SERGEF: variants seen among roughly 807,000 people sequenced by gnomAD.
SERGEF encodes secretion-regulating guanine nucleotide exchange factor.
SERGEF carries 51 observed loss-of-function variants against 50.0 expected under a neutral mutation model. That is an observed-to-expected ratio of 1.02 (90% CI 0.81 to 1.29). The LOEUF (loss-of-function observed/expected upper bound fraction) is 1.29, where lower values mean the gene tolerates loss of function less well. SERGEF is among the 50% of genes most tolerant of loss of function. SERGEF has a pLI of 0.00. For synonymous variants in SERGEF, 205 were observed against 212.4 expected (o/e 0.97, Z 0.30); for missense variants, 521 against 557.0 (o/e 0.94, Z 0.65).
chr11:17,929,524 T>C (rs1852313741), intron 9 of SERGEF, among the ~76,000 whole-genome samples: 1 of 152,156 alleles, frequency 6.6e-6, no homozygotes, highest in Non-Finnish European at 1.5e-5. Flanking sequence ...CAAGGTAACT[T>C]ATTATGTTTT....
At chr11:17,985,851 C>A (rs1196169641) in intron 8 of SERGEF, among the ~76,000 whole-genome samples, 12 of 152,182 alleles carry the variant, frequency 7.9e-5, no homozygotes, top group Admixed American at 7.2e-4. Flanking sequence ...CAGTATTGAG[C>A]AGTGTTTCTC....
chr11:17,967,158 C>T (rs147343044), intron 8 of SERGEF, among the ~76,000 whole-genome samples: 1 of 152,270 alleles, frequency 6.6e-6, no homozygotes, highest in African/African-American at 2.4e-5. Flanking sequence ...AAAATATTAA[C>T]GCATAGAGAG....
intron 10 of SERGEF, among the ~76,000 whole-genome samples, chr11:17,845,503 G>A (rs1396010358): frequency 1.3e-5 from 2 of 152,318 alleles, no homozygotes; most frequent in Non-Finnish European, 2.9e-5. Flanking sequence ...GGGCTCAGCT[G>A]ACTGGCCTCT....
chr11:17,809,627 A>G (rs1191150457), intron 10 of SERGEF, among the ~76,000 whole-genome samples: 2 of 152,172 alleles, frequency 1.3e-5, no homozygotes, highest in African/African-American at 2.4e-5. Context: ...GGAGGAGGAC[A>G]AACAAAGCCT....
chr11:17,848,201 G>A (rs184562835), intron 10 of SERGEF, among the ~76,000 whole-genome samples: 1 of 152,278 alleles, frequency 6.6e-6, no homozygotes, highest in Non-Finnish European at 1.5e-5. Context: ...TGTAACAGAG[G>A]ACATATGTGT....
At chr11:17,950,940 G>GA (rs1490851834) in intron 9 of SERGEF, among the ~76,000 whole-genome samples, 1 of 152,130 alleles carries the variant, frequency 6.6e-6, no homozygotes, top group African/African-American at 2.4e-5. Context: ...CAGTGCTGAT[G>GA]AATTTCCTCT....
chr11:17,839,484 T>C (rs1417375557), intron 10 of SERGEF, among the ~76,000 whole-genome samples: 1 of 152,106 alleles, frequency 6.6e-6, no homozygotes, highest in Non-Finnish European at 1.5e-5. Context: ...CTGAAAGGAT[T>C]TCTCTGTAAC....
intron 10 of SERGEF, among the ~76,000 whole-genome samples, chr11:17,853,066 A>C (rs1468567536): frequency 6.6e-6 from 1 of 152,164 alleles, no homozygotes; most frequent in East Asian, 1.9e-4. Context: ...TTCAAGTCCC[A>C]CCTTAGATAT....
At chr11:17,836,289 T>G in intron 10 of SERGEF, among the ~76,000 whole-genome samples, 1 of 152,180 alleles carries the variant, frequency 6.6e-6, no homozygotes, top group African/African-American at 2.4e-5. Flanking sequence ...AAAGGACCAA[T>G]GTCCATTGGG....
intron 6 of SERGEF, among the ~76,000 whole-genome samples, chr11:17,994,002 T>C (rs947041114): frequency 6.6e-6 from 1 of 152,058 alleles, no homozygotes; most frequent in African/African-American, 2.4e-5. Context: ...TGAAATAAAA[T>C]AAAAAACATT....
At chr11:18,012,774 T>TAC in intron 1 of SERGEF, 177 bp downstream of exon 1, 12 of 1,285,080 alleles carry the variant, frequency 9.3e-6, no homozygotes, top group African/African-American at 1.5e-5. Context: ...GACCCTTCCT[T>TAC]CCCCGCCCGC....
intron 5 of SERGEF, among the ~76,000 whole-genome samples, chr11:17,997,199 C>CA (rs1853853910): frequency 1.3e-5 from 2 of 151,792 alleles, no homozygotes; most frequent in Non-Finnish European, 2.9e-5. Flanking sequence ...ACTGTCTCAA[C>CA]AAAAAAAGCG....
intron 10 of SERGEF, among the ~76,000 whole-genome samples, chr11:17,852,471 A>C (rs1304915569): frequency 6.6e-6 from 1 of 152,202 alleles, no homozygotes; most frequent in African/African-American, 2.4e-5. Context: ...TAGCTTCAGC[A>C]GCTGCTAAAT....
chr11:17,918,485 G>A (rs2133936726), intron 9 of SERGEF, among the ~76,000 whole-genome samples: 1 of 152,226 alleles, frequency 6.6e-6, no homozygotes, highest in Non-Finnish European at 1.5e-5. Context: ...CAGATGTCAT[G>A]GCCTGGGAAA....
At chr11:17,815,436 T>TAAAAA (rs763972184) in intron 10 of SERGEF, among the ~76,000 whole-genome samples, 3 of 108,364 alleles carry the variant, frequency 2.8e-5, no homozygotes, top group Non-Finnish European at 5.4e-5. Context: ...CCATCTCTAC[T>TAAAAA]AAAAAAAAAA....
chr11:17,923,568 T>G (rs1852198217), intron 9 of SERGEF, among the ~76,000 whole-genome samples: 1 of 152,194 alleles, frequency 6.6e-6, no homozygotes, highest in South Asian at 2.1e-4. Flanking sequence ...GAATGGGGCC[T>G]GGACCAGGGT....
chr11:17,874,132 GAAGA>G (rs1351261856), intron 10 of SERGEF: 1 of 152,474 alleles, frequency 6.6e-6, no homozygotes, highest in African/African-American at 2.4e-5. Flanking sequence ...AGGTGGAAAG[GAAGA>G]GAGTGAATCA....
At chr11:18,012,787 G>GCCGA in intron 1 of SERGEF, 164 bp downstream of exon 1, 1 of 700,290 alleles carries the variant, frequency 1.4e-6, no homozygotes, top group Non-Finnish European at 2.1e-6. Context: ...CCGCCCGCCC[G>GCCGA]CTCCTCCTCC....
intron 9 of SERGEF, among the ~76,000 whole-genome samples, chr11:17,936,428 T>C: frequency 6.6e-6 from 1 of 152,236 alleles, no homozygotes; most frequent in Non-Finnish European, 1.5e-5. Context: ...TCAGTAGTCA[T>C]ATCAGCATTA....
Sources: allele counts gnomAD v4.1 joint callset (sites outside exome capture counted in the v4.1 genomes callset), GRCh38; gene constraint gnomAD v4.1.1; transcripts MANE v1.5; gene names NCBI Gene and HGNC (gene_info 2026-07-23, HGNC 2026-07-21).